The following SWT1 variants were observed in gnomAD, a reference collection of about 807,000 sequenced individuals.
SWT1 encodes the protein SWT1 RNA endoribonuclease homolog, also known as transcriptional protein SWT1.
A neutral mutation model predicts 107.3 loss-of-function variants in SWT1; 33 were observed. The ratio of observed to expected loss-of-function variants is 0.31; its 90% CI spans 0.23 to 0.41. The LOEUF (loss-of-function observed/expected upper bound fraction) is 0.41. Among genes scored for constraint, SWT1 ranks in the 10% least tolerant of loss-of-function variants. The probability of loss-of-function intolerance (pLI) is 1.00; values close to 1 mark genes in which losing one functional copy is unlikely to be tolerated. For synonymous variants in SWT1, 345 were observed against 348.3 expected, an observed-to-expected ratio of 0.99 and a Z score of 0.11; for missense variants, 898 against 1,028.9, an observed-to-expected ratio of 0.87 and a Z score of 1.74.
At chr1:185,253,661 C>A (rs937373112) in intron 16 of SWT1, among the ~76,000 whole-genome samples, 10 of 151,968 alleles carry the variant, frequency 6.6e-5, no homozygotes, top group Non-Finnish European at 1.2e-4. Context: ...GTTGCTTATC[C>A]GCTTAAGGAG....
intron 5 of SWT1, among the ~76,000 whole-genome samples, chr1:185,178,739 A>G (rs1655781924): frequency 6.6e-6 from 1 of 152,034 alleles, no homozygotes; most frequent in Admixed American, 6.5e-5. Context: ...CTTGTTTGGC[A>G]CTTCTTAAAG....
chr1:185,223,384 C>G (rs1488013033), intron 15 of SWT1, among the ~76,000 whole-genome samples: 1 of 151,818 alleles, frequency 6.6e-6, no homozygotes, highest in Non-Finnish European at 1.5e-5. Context: ...ACTATGTTGC[C>G]CAGGTTGGTC....
rs182962805 is a variant in SWT1 at position 185,250,152 on chromosome 1, G to A, written c.2441+18444G>A. The stretch of plus-strand genomic sequence containing the variant: ...TTATTTTATTTATTTTTAAAGACTG[G>A]TGTCTCACTCTGTCATCCAGGCTGG... On this transcript the variant is annotated intron_variant, in intron 16 of 18. Coordinates refer to ENST00000367500, the MANE Select transcript of SWT1 (RefSeq NM_017673.7). 2.4e-3 allele frequency among the ~76,000 whole-genome samples: 371 copies of A among 152,168 alleles called. 1 individual carries two copies. The highest frequency in any genetic ancestry group is 6.7e-3 in the Admixed American group (103 of 15,268).
intron 16 of SWT1, among the ~76,000 whole-genome samples, chr1:185,268,998 G>A (rs1298762881): frequency 3.3e-5 from 5 of 151,002 alleles, no homozygotes; most frequent in South Asian, 2.1e-4. Flanking sequence ...GACTACAGGC[G>A]CCCGCCACTA....
intron 10 of SWT1, 22 bp downstream of exon 10, chr1:185,190,664 C>CT: frequency 7.1e-7 from 1 of 1,407,390 alleles, no homozygotes; most frequent in Non-Finnish European, 9.9e-7. Context: ...AGTCATTTGA[C>CT]TTTTTATTTT....
intron 12 of SWT1, 142 bp from the exon 13 acceptor site, chr1:185,206,483 T>A: frequency 2.1e-6 from 1 of 476,862 alleles, no homozygotes; most frequent in East Asian, 3.4e-5. Flanking sequence ...AATGTTATGA[T>A]TGACTTTACA....
intron 11 of SWT1, 123 bp downstream of exon 11, chr1:185,202,922 T>A: frequency 2.0e-6 from 1 of 488,808 alleles, no homozygotes; most frequent in African/African-American, 2.0e-5. Context: ...TTTGGAATAC[T>A]TGCTGGCATG....
intron 15 of SWT1, among the ~76,000 whole-genome samples, chr1:185,228,388 A>G (rs192059640): frequency 2.6e-5 from 4 of 151,290 alleles, no homozygotes; most frequent in Non-Finnish European, 5.9e-5. Context: ...CTTGTGTGGT[A>G]GCCCTCACCT....
intron 11 of SWT1, among the ~76,000 whole-genome samples, chr1:185,204,120 T>C (rs1658110168): frequency 6.6e-6 from 1 of 152,020 alleles, no homozygotes. Flanking sequence ...AGCTGGAAAT[T>C]TATTGATGTG....
intron 16 of SWT1, among the ~76,000 whole-genome samples, chr1:185,239,072 G>A (rs1385409368): frequency 6.6e-6 from 1 of 152,048 alleles, no homozygotes; most frequent in Admixed American, 6.6e-5. Flanking sequence ...CATATATAGT[G>A]TTATATTGGG....
At chr1:185,162,222 A>T (rs1438548574) in intron 2 of SWT1, among the ~76,000 whole-genome samples, 1 of 152,142 alleles carries the variant, frequency 6.6e-6, no homozygotes, top group African/African-American at 2.4e-5. Context: ...TACTAAACTA[A>T]AAAGGTTTAG....
chr1:185,258,859 G>A (rs1384706831), intron 16 of SWT1, among the ~76,000 whole-genome samples: 2 of 151,870 alleles, frequency 1.3e-5, no homozygotes, highest in Non-Finnish European at 2.9e-5. Context: ...CTTCAGTTCT[G>A]GAAATTCTCA....
chr1:185,284,863 C>G (rs764472651), intron 18 of SWT1, among the ~76,000 whole-genome samples: 1 of 151,642 alleles, frequency 6.6e-6, no homozygotes, highest in Admixed American at 6.6e-5. Context: ...ATAATTTAAA[C>G]AGGCTTGCAT....
intron 14 of SWT1, among the ~76,000 whole-genome samples, chr1:185,220,389 T>A (rs184786230): frequency 6.6e-6 from 1 of 152,072 alleles, no homozygotes; most frequent in African/African-American, 2.4e-5. Context: ...CCCTTTTCTC[T>A]TTCTTATTCT....
chr1:185,169,357 A>AT (rs1654853787), intron 4 of SWT1, among the ~76,000 whole-genome samples: 1 of 150,682 alleles, frequency 6.6e-6, no homozygotes, highest in Non-Finnish European at 1.5e-5. Flanking sequence ...TTAAGGACAC[A>AT]TTTTTTGGCC....
rs558370633 is a variant in SWT1, at chr1:185,202,834, CTT to C, written c.1669+36_1669+37del. On this transcript the variant is annotated intron_variant, in intron 11 of 18. Coordinates refer to ENST00000367500, the MANE Select transcript of SWT1 (RefSeq NM_017673.7). ...TTACTATAAATAATTAGAGATATATCTTATTTTATACACTAAGATTATTTATA... is the reference window on the plus strand; with the variant it reads ...TTACTATAAATAATTAGAGATATATCATTTTATACACTAAGATTATTTATA... 5.0e-3 allele frequency: 6,081 copies of C among 1,204,180 alleles called. 28 individuals carry two copies. Among genetic ancestry groups the C allele is most frequent in the Middle Eastern group, 8.5e-3 (39 of 4,566 alleles). The allele number at this position is 1,204,180 out of a possible 1,614,324, so 74.6% of individuals were successfully genotyped here.
At chr1:185,279,746 C>T (rs886235679) in intron 18 of SWT1, among the ~76,000 whole-genome samples, 2 of 149,274 alleles carry the variant, frequency 1.3e-5, no homozygotes, top group Middle Eastern at 6.8e-3. Context: ...AGATATGGGG[C>T]CAATTGTGGA....
chr1:185,271,442 A>C lies in SWT1; in HGVS notation c.2508+53A>C, dbSNP rs191329457. On this transcript the variant is annotated intron_variant, in intron 17 of 18. Transcript: ENST00000367500. ...CACATTTCTACTTTAAACAAATTTTAATGTAAATAAACAGAGTAGGAGTTC... is the reference window on the plus strand; with the variant it reads ...CACATTTCTACTTTAAACAAATTTTCATGTAAATAAACAGAGTAGGAGTTC... The C allele has an allele frequency of 2.2e-4, 200 of 926,756 alleles. 1 individual carries two copies. The highest frequency in any genetic ancestry group is 2.0e-3 in the African/African-American group (122 of 59,868). The allele number at this position is 926,756 out of a possible 1,614,324, so 57.4% of individuals were successfully genotyped here.
chr1:185,226,732 CTTTTTTT>C, intron 15 of SWT1: 1 of 376,822 alleles, frequency 2.7e-6, no homozygotes, highest in Non-Finnish European at 4.5e-6. Context: ...GCTTCTGAGA[CTTTTTTT>C]TTTTTTTTTG....
Sources: allele counts gnomAD v4.1 joint callset (sites outside exome capture counted in the v4.1 genomes callset), GRCh38; gene constraint gnomAD v4.1.1; transcripts MANE v1.5; gene names NCBI Gene and HGNC (gene_info 2026-07-23, HGNC 2026-07-21).